RIMS2: variants seen among roughly 807,000 people sequenced by gnomAD.
RIMS2 encodes the protein regulating synaptic membrane exocytosis 2.
Under a neutral mutation model 174.4 loss-of-function variants are expected in RIMS2, and 59 were observed. The observed-to-expected ratio is 0.34, with a 90% CI of 0.27 to 0.42. The LOEUF (loss-of-function observed/expected upper bound fraction) is 0.42. Among genes scored for constraint, RIMS2 ranks in the 10% least tolerant of loss-of-function variants. The pLI, the probability that RIMS2 is intolerant of heterozygous loss-of-function variation, is 1.00. For synonymous variants in RIMS2, 606 were observed against 572.5 expected, an observed-to-expected ratio of 1.06 and a Z score of -0.84; for missense variants, 1,620 against 1,666.3, an observed-to-expected ratio of 0.97 and a Z score of 0.48.
At chr8:103,955,791 G>A (rs971213454) in intron 14 of RIMS2, among the ~76,000 whole-genome samples, 1 of 152,122 alleles carries the variant, frequency 6.6e-6, no homozygotes, top group African/African-American at 2.4e-5. Context: ...TACTCAAGTA[G>A]GAAAAAGAGA....
chr8:103,822,281 T>A (rs1379624048), intron 3 of RIMS2, among the ~76,000 whole-genome samples: 1 of 151,736 alleles, frequency 6.6e-6, no homozygotes, highest in Non-Finnish European at 1.5e-5. Flanking sequence ...CATTAGGATT[T>A]TAGATGGTGA....
rs1357165979 is a variant in RIMS2 at position 103,963,210 on chromosome 8, G to A, written c.2770+2077G>A. Reference sequence around the variant, plus strand: ...AGATAAAATAAATAATATATTTTCTGGGTAAAGCAACTCAGATGTGAAATG... The same window carrying A: ...AGATAAAATAAATAATATATTTTCTAGGTAAAGCAACTCAGATGTGAAATG... On this transcript the variant is annotated intron_variant, in intron 15 of 23. Coordinates refer to ENST00000504942, the Ensembl canonical transcript of RIMS2. Among the ~76,000 whole-genome samples, 3 of 151,754 alleles carry A rather than the reference G, an allele frequency of 2.0e-5. No individual in the cohort carries two copies. In the South Asian group the frequency reaches 6.3e-4, roughly 32 times the overall value.
At chr8:103,918,765 A>C (rs1040724994) in intron 9 of RIMS2, 32 of 290,598 alleles carry the variant, frequency 1.1e-4, no homozygotes, top group Middle Eastern at 1.0e-3. Context: ...TAAAGTACAC[A>C]ATTAGGTAAG....
At chr8:103,828,953 G>A (rs1011621106) in intron 3 of RIMS2, among the ~76,000 whole-genome samples, 11 of 152,060 alleles carry the variant, frequency 7.2e-5, no homozygotes, top group Non-Finnish European at 1.6e-4. Context: ...GTACCATGTT[G>A]TTTGGTTTAC....
At chr8:104,212,704 T>A (rs2099110803) in intron 19 of RIMS2, among the ~76,000 whole-genome samples, 1 of 152,208 alleles carries the variant, frequency 6.6e-6, no homozygotes, top group Admixed American at 6.5e-5. Context: ...TTTGTGTACT[T>A]CACTAATTAG....
intron 14 of RIMS2, among the ~76,000 whole-genome samples, chr8:103,945,376 C>T (rs552503796): frequency 6.6e-6 from 1 of 152,144 alleles, no homozygotes; most frequent in East Asian, 1.9e-4. Context: ...AGAAAAGAAA[C>T]ACTAATGTTT....
chr8:104,213,863 G>A (rs1330160716), intron 19 of RIMS2, among the ~76,000 whole-genome samples: 2 of 145,190 alleles, frequency 1.4e-5, no homozygotes, highest in Non-Finnish European at 3.0e-5. Context: ...GTGACAGAGC[G>A]AGACTCTGCC....
At chr8:103,727,534 G>C (rs1014904913) in intron 2 of RIMS2, among the ~76,000 whole-genome samples, 1 of 151,620 alleles carries the variant, frequency 6.6e-6, no homozygotes, top group Non-Finnish European at 1.5e-5. Context: ...TATTACTCAA[G>C]AAATCTTTGC....
At chr8:103,985,180 A>G (rs568027722) in intron 16 of RIMS2, among the ~76,000 whole-genome samples, 2 of 152,250 alleles carry the variant, frequency 1.3e-5, no homozygotes, top group East Asian at 3.9e-4. Flanking sequence ...AAATAACTAA[A>G]AGAGTATAAT....
intron 19 of RIMS2, among the ~76,000 whole-genome samples, chr8:104,097,298 G>T (rs1288127383): frequency 6.6e-6 from 1 of 152,052 alleles, no homozygotes; most frequent in Non-Finnish European, 1.5e-5. Flanking sequence ...TAGCCTGAAG[G>T]TAATTTTATC....
chr8:103,768,297 CT>C, intron 3 of RIMS2: 2 of 622,032 alleles, frequency 3.2e-6, no homozygotes, highest in Admixed American at 2.2e-5. Context: ...CTGGACATCT[CT>C]TTCCCAGCCA....
intron 1 of RIMS2, among the ~76,000 whole-genome samples, chr8:103,554,797 A>G (rs1251541008): frequency 6.6e-6 from 1 of 152,212 alleles, no homozygotes; most frequent in African/African-American, 2.4e-5. Flanking sequence ...ATATCTATCA[A>G]CAGTAGACTG....
At chr8:103,523,303 G>A (rs1469443500) in intron 1 of RIMS2, among the ~76,000 whole-genome samples, 1 of 151,944 alleles carries the variant, frequency 6.6e-6, no homozygotes, top group Admixed American at 6.6e-5. Flanking sequence ...CAGTTCACTT[G>A]CCACCTATTA....
rs117431574 is a variant in RIMS2, at chr8:103,584,081, G to T, written c.176+83019G>T. Among the ~76,000 whole-genome samples the T allele has an allele frequency of 4.3e-3, 655 of 152,196 alleles. 2 individuals carry two copies. Among genetic ancestry groups the T allele is most frequent in the African/African-American group, 0.014 (597 of 41,540 alleles). ...AAGGTCAAGGATAAAGAAAGGATCCGAAAAGCAGCAAGAGAAAATAAACAA... is the reference window on the plus strand; with the variant it reads ...AAGGTCAAGGATAAAGAAAGGATCCTAAAAGCAGCAAGAGAAAATAAACAA... On this transcript the variant is annotated intron_variant, in intron 1 of 23. Transcript: ENST00000504942.
chr8:103,577,742 T>A (rs527603047), intron 1 of RIMS2, among the ~76,000 whole-genome samples: 2 of 152,272 alleles, frequency 1.3e-5, no homozygotes, highest in South Asian at 4.2e-4. Context: ...CAGAGAAATT[T>A]GACAAAGAAA....
intron 15 of RIMS2, 31 bp from the exon 18 acceptor site, chr8:103,975,319 A>G (rs1183801066): frequency 1.3e-6 from 2 of 1,534,778 alleles, no homozygotes; most frequent in Non-Finnish European, 8.9e-7. Flanking sequence ...TACATACATA[A>G]CTATAATATT....
chr8:103,675,541 C>G (rs2096797885), intron 1 of RIMS2, among the ~76,000 whole-genome samples: 1 of 152,104 alleles, frequency 6.6e-6, no homozygotes, highest in Non-Finnish European at 1.5e-5. Context: ...AGGCTTGAAA[C>G]ATAAACATAA....
intron 19 of RIMS2, among the ~76,000 whole-genome samples, chr8:104,051,682 GAGAA>G (rs1435757447): frequency 2.6e-5 from 4 of 152,128 alleles, no homozygotes; most frequent in East Asian, 1.9e-4. Flanking sequence ...GTGTGAGAGA[GAGAA>G]AGAAGGTTCA....
intron 2 of RIMS2, among the ~76,000 whole-genome samples, chr8:103,726,070 T>G (rs1467621656): frequency 1.3e-5 from 2 of 152,200 alleles, no homozygotes; most frequent in Admixed American, 6.5e-5. Flanking sequence ...AAATATCATA[T>G]ATAGATGGTT....
Sources: gnomAD v4.1 joint callset for allele counts (sites outside exome capture counted in the v4.1 genomes callset) on GRCh38, gnomAD v4.1.1 for gene constraint, MANE v1.5 for transcripts, NCBI Gene and HGNC (gene_info 2026-07-23, HGNC 2026-07-21) for gene names.